Variants in DCLK1 observed in about 807,000 individuals in gnomAD.
DCLK1 encodes doublecortin like kinase 1, also known as serine/threonine-protein kinase DCLK1.
Under a neutral mutation model 86.2 loss-of-function variants are expected in DCLK1, and 16 were observed. That is an observed-to-expected ratio of 0.19 (90% CI 0.13 to 0.28). The LOEUF is 0.28. DCLK1 is among the 10% of genes least tolerant of loss of function. The pLI, the probability that DCLK1 is intolerant of heterozygous loss-of-function variation, is 1.00. For missense variants in DCLK1, 590 were observed against 940.2 expected (o/e 0.63, Z 4.87); for synonymous variants, 369 against 370.5 (o/e 1.00, Z 0.05).
chr13:35,789,837 A>G (rs1020148912), intron 16 of DCLK1, among the ~76,000 whole-genome samples: 12 of 152,188 alleles, frequency 7.9e-5, no homozygotes, highest in African/African-American at 2.9e-4. Flanking sequence ...AATTCATTTC[A>G]TGTCTATAAA....
chr13:36,053,378 C>A (rs75495534), intron 3 of DCLK1, among the ~76,000 whole-genome samples: 2,295 of 152,108 alleles, frequency 0.015, 21 homozygotes, highest in Non-Finnish European at 0.026. Context: ...AAGGGCTCAG[C>A]GGATGCAGAG....
chr13:36,051,605 A>G (rs1198511097), intron 3 of DCLK1, among the ~76,000 whole-genome samples: 2 of 152,030 alleles, frequency 1.3e-5, no homozygotes, highest in Admixed American at 6.6e-5. Flanking sequence ...TTTGAAATTC[A>G]CTCGTCTTTT....
intron 3 of DCLK1, among the ~76,000 whole-genome samples, chr13:35,982,280 C>T (rs916327836): frequency 2.0e-4 from 31 of 151,598 alleles, no homozygotes; most frequent in Middle Eastern, 3.4e-3. Flanking sequence ...TTTGGGAGGC[C>T]GAGGCAGGAG....
chr13:36,013,580 C>T (rs1274754610), intron 3 of DCLK1, among the ~76,000 whole-genome samples: 2 of 152,162 alleles, frequency 1.3e-5, no homozygotes, highest in African/African-American at 4.8e-5. Context: ...AAGCAGTCTG[C>T]CCGTTCTCAG....
chr13:35,948,078 C>T lies in DCLK1; in HGVS notation c.724-621G>A, dbSNP rs376367789. On this transcript the variant is annotated intron_variant, in intron 3 of 16. Transcript: ENST00000360631. ...TCCCAGGCCACCCAACTTCTTCTTG[C>T]CATGCAAAAGGCAAGTTTTAAGGCA... is the stretch of plus-strand genomic sequence containing the variant. Among the ~76,000 whole-genome samples the T allele has an allele frequency of 5.3e-5, 8 of 152,332 alleles. No individual in the cohort carries two copies. In the South Asian group the frequency reaches 1.2e-3, roughly 24 times the overall value.
rs1278548509 is a variant in DCLK1 at position 36,050,847 on chromosome 13, A to G, written c.723+61022T>C. 7.2e-5 allele frequency among the ~76,000 whole-genome samples: 11 copies of G among 152,176 alleles called. 1 individual carries two copies. Among genetic ancestry groups the G allele is most frequent in the Non-Finnish European group, 1.6e-4 (11 of 68,028 alleles). ...CTGTGTCAGGATTCAAAGATGCTCAAGGACATCCCTTGCTCTCTGGTCATC... is the reference window on the plus strand; with the variant it reads ...CTGTGTCAGGATTCAAAGATGCTCAGGGACATCCCTTGCTCTCTGGTCATC... On this transcript the variant is annotated intron_variant, in intron 3 of 16. Coordinates refer to ENST00000360631, the MANE Select transcript of DCLK1 (RefSeq NM_001330071.2).
At chr13:36,087,878 G>T (rs974364595) in intron 3 of DCLK1, among the ~76,000 whole-genome samples, 18 of 152,170 alleles carry the variant, frequency 1.2e-4, no homozygotes, top group African/African-American at 4.3e-4. Flanking sequence ...GGTCAGAGAC[G>T]AAGAGGGCAA....
At chr13:35,798,804 C>T (rs2086861674) in intron 15 of DCLK1, among the ~76,000 whole-genome samples, 1 of 152,194 alleles carries the variant, frequency 6.6e-6, no homozygotes, top group African/African-American at 2.4e-5. Flanking sequence ...TCTACCAGCA[C>T]AATAAGATGA....
intron 3 of DCLK1, among the ~76,000 whole-genome samples, chr13:36,036,044 A>T (rs1882475468): frequency 6.6e-6 from 1 of 152,102 alleles, no homozygotes; most frequent in Non-Finnish European, 1.5e-5. Flanking sequence ...GCTAAAACAG[A>T]GGCAGAAGCA....
chr13:35,964,593 C>G (rs1170981), intron 3 of DCLK1, among the ~76,000 whole-genome samples: 45,094 of 151,954 alleles, frequency 0.3, 7,647 homozygotes, highest in East Asian at 0.57. Context: ...CTTTGTAAAC[C>G]ATTTGCTAGA....
chr13:36,083,600 G>A (rs995005497), intron 3 of DCLK1, among the ~76,000 whole-genome samples: 2 of 152,146 alleles, frequency 1.3e-5, no homozygotes, highest in Admixed American at 1.3e-4. Context: ...TAAGAAACAA[G>A]CAATTGTATT....
At chr13:35,880,852 C>G (rs1395599085) in intron 4 of DCLK1, among the ~76,000 whole-genome samples, 1 of 152,164 alleles carries the variant, frequency 6.6e-6, no homozygotes, top group African/African-American at 2.4e-5. Flanking sequence ...AGAAGCTCCA[C>G]TTTGGCTGGC....
At chr13:35,909,642 T>C (rs1193269525) in intron 4 of DCLK1, among the ~76,000 whole-genome samples, 5 of 134,900 alleles carry the variant, frequency 3.7e-5, no homozygotes, top group African/African-American at 1.3e-4. Context: ...TGTGTGTGTA[T>C]TTTTTTTTTC....
chr13:36,096,835 G>C (rs1885037593), intron 3 of DCLK1, among the ~76,000 whole-genome samples: 1 of 152,142 alleles, frequency 6.6e-6, no homozygotes, highest in Non-Finnish European at 1.5e-5. Flanking sequence ...AGCATCCCTA[G>C]GGCTTAGAAG....
At chr13:35,790,178 A>C (rs939505234) in intron 16 of DCLK1, among the ~76,000 whole-genome samples, 2 of 152,216 alleles carry the variant, frequency 1.3e-5, no homozygotes, top group African/African-American at 4.8e-5. Context: ...AAGCAGAAGA[A>C]AAAAATGACA....
At chr13:35,859,672 T>A (rs1394622947) in intron 5 of DCLK1, among the ~76,000 whole-genome samples, 2 of 151,608 alleles carry the variant, frequency 1.3e-5, no homozygotes, top group African/African-American at 4.8e-5. Context: ...CAACTCTTCT[T>A]CACTAACTGG....
At chr13:36,071,873 G>A (rs1018333556) in intron 3 of DCLK1, among the ~76,000 whole-genome samples, 2 of 152,088 alleles carry the variant, frequency 1.3e-5, no homozygotes, top group East Asian at 1.9e-4. Context: ...AACAGAACTC[G>A]AATTTTGTTG....
chr13:35,808,195 T>C (rs1171393736), intron 14 of DCLK1, 29 bp downstream of exon 14: 2 of 1,579,030 alleles, frequency 1.3e-6, no homozygotes, highest in Non-Finnish European at 1.7e-6. Flanking sequence ...ACACAGAATA[T>C]AGGGAAGAGG....
At chr13:35,918,135 G>A (rs960105826) in intron 4 of DCLK1, among the ~76,000 whole-genome samples, 16 of 152,100 alleles carry the variant, frequency 1.1e-4, no homozygotes, top group Admixed American at 4.6e-4. Context: ...TCCTTTCTAC[G>A]TATCCTCATA....
Sources: gnomAD v4.1 joint callset for allele counts (sites outside exome capture counted in the v4.1 genomes callset) on GRCh38, gnomAD v4.1.1 for gene constraint, MANE v1.5 for transcripts, NCBI Gene and HGNC (gene_info 2026-07-23, HGNC 2026-07-21) for gene names.